Variants in POU6F2 observed in about 807,000 individuals in gnomAD.
The protein encoded by POU6F2 is POU domain, class 6, transcription factor 2.
POU6F2 carries 31 observed loss-of-function variants against 71.3 expected under a neutral mutation model. That is an observed-to-expected ratio of 0.43 (90% confidence interval 0.33 to 0.59). The LOEUF (loss-of-function observed/expected upper bound fraction) is 0.59. Among genes scored for constraint, POU6F2 ranks in the 20% least tolerant of loss-of-function variants. The pLI, the probability that POU6F2 is intolerant of heterozygous loss-of-function variation, is 0.04. For missense variants in POU6F2, 783 were observed against 856.8 expected (o/e 0.91, Z 1.07); for synonymous variants, 347 against 355.7 (o/e 0.98, Z 0.27).
chr7:39,254,746 C>T (rs1274001324), intron 4 of POU6F2, among the ~76,000 whole-genome samples: 3 of 152,180 alleles, frequency 2.0e-5, no homozygotes, highest in Non-Finnish European at 4.4e-5. Flanking sequence ...AAAGGTCTCT[C>T]GGTACCTAAT....
intron 1 of POU6F2, among the ~76,000 whole-genome samples, chr7:39,041,167 A>C (rs1248776805): frequency 6.6e-6 from 1 of 151,984 alleles, no homozygotes; most frequent in African/African-American, 2.4e-5. Flanking sequence ...GCCTTGTTCC[A>C]AGTCAGTACA....
chr7:39,000,166 C>T (rs1788860339), intron 1 of POU6F2, among the ~76,000 whole-genome samples: 1 of 152,112 alleles, frequency 6.6e-6, no homozygotes, highest in African/African-American at 2.4e-5. Context: ...TGCTTCTCCT[C>T]TCCAGGTGCC....
intron 4 of POU6F2, among the ~76,000 whole-genome samples, chr7:39,244,737 A>T (rs1226712300): frequency 6.6e-6 from 1 of 152,116 alleles, no homozygotes; most frequent in African/African-American, 2.4e-5. Flanking sequence ...CAGGTGTTAA[A>T]ATCATGGTTC....
chr7:39,258,271 A>C (rs923580920), intron 4 of POU6F2, among the ~76,000 whole-genome samples: 1 of 152,244 alleles, frequency 6.6e-6, no homozygotes. Context: ...AGGCAACAGC[A>C]CTATACTGGA....
intron 5 of POU6F2, among the ~76,000 whole-genome samples, chr7:39,399,314 C>T (rs1015819687): frequency 1.3e-5 from 2 of 152,126 alleles, no homozygotes; most frequent in African/African-American, 2.4e-5. Context: ...ACACAATGCC[C>T]AAAACATAGT....
At chr7:39,448,110 T>C (rs1169404961) in intron 7 of POU6F2, among the ~76,000 whole-genome samples, 1 of 152,224 alleles carries the variant, frequency 6.6e-6, no homozygotes, top group Non-Finnish European at 1.5e-5. Context: ...TAGTGCTATA[T>C]TTCATAGTTT....
intron 4 of POU6F2, among the ~76,000 whole-genome samples, chr7:39,313,097 C>T (rs778966182): frequency 4.6e-5 from 7 of 152,080 alleles, no homozygotes; most frequent in African/African-American, 1.4e-4. Context: ...CAGAGAAAAC[C>T]GAAAGTTCTT....
intron 6 of POU6F2, among the ~76,000 whole-genome samples, chr7:39,423,068 A>T (rs1019518711): frequency 6.6e-6 from 1 of 152,192 alleles, no homozygotes; most frequent in East Asian, 1.9e-4. Context: ...TCATATTTCA[A>T]TGAAGGGTTA....
chr7:39,197,496 C>T (rs923928549), intron 2 of POU6F2, among the ~76,000 whole-genome samples: 7 of 152,244 alleles, frequency 4.6e-5, no homozygotes, highest in African/African-American at 1.7e-4. Flanking sequence ...AAGGACGAAG[C>T]AAGAGGGAGG....
intron 1 of POU6F2, among the ~76,000 whole-genome samples, chr7:39,016,176 T>A (rs1789543409): frequency 7.4e-6 from 1 of 135,906 alleles, no homozygotes; most frequent in Non-Finnish European, 1.5e-5. Context: ...TATGTATAGA[T>A]ACATTATATC....
chr7:39,305,468 G>A (rs1250157879), intron 4 of POU6F2, among the ~76,000 whole-genome samples: 3 of 152,110 alleles, frequency 2.0e-5, no homozygotes, highest in Admixed American at 6.5e-5. Context: ...TTTATATTGG[G>A]TTTATTATCA....
At chr7:39,365,589 A>C (rs1344400992) in intron 5 of POU6F2, among the ~76,000 whole-genome samples, 1 of 152,226 alleles carries the variant, frequency 6.6e-6, no homozygotes, top group Non-Finnish European at 1.5e-5. Flanking sequence ...CATCAGAGTA[A>C]ACAGACAACC....
At chr7:39,259,237 G>A (rs561124815) in intron 4 of POU6F2, among the ~76,000 whole-genome samples, 1 of 152,206 alleles carries the variant, frequency 6.6e-6, no homozygotes, top group African/African-American at 2.4e-5. Flanking sequence ...CAGTTTCAAT[G>A]TTGTTCTCTA....
intron 2 of POU6F2, among the ~76,000 whole-genome samples, chr7:39,164,038 A>G (rs978715786): frequency 6.6e-6 from 1 of 152,182 alleles, no homozygotes; most frequent in African/African-American, 2.4e-5. Flanking sequence ...CATGGTGACC[A>G]TAGTTAATAA....
At chr7:39,350,123 G>A (rs1437648249) in intron 5 of POU6F2, among the ~76,000 whole-genome samples, 2 of 151,704 alleles carry the variant, frequency 1.3e-5, no homozygotes, top group African/African-American at 4.9e-5. Context: ...GTTCGACAGG[G>A]CTCAGCCCAG....
intron 4 of POU6F2, among the ~76,000 whole-genome samples, chr7:39,295,770 C>T (rs959438674): frequency 6.6e-6 from 1 of 152,190 alleles, no homozygotes; most frequent in Non-Finnish European, 1.5e-5. Flanking sequence ...AAAATTCATC[C>T]ACTAGAAATT....
chr7:39,249,674 A>T (rs1292082434), intron 4 of POU6F2, among the ~76,000 whole-genome samples: 1 of 152,192 alleles, frequency 6.6e-6, no homozygotes, highest in African/African-American at 2.4e-5. Flanking sequence ...TAATTGCCTT[A>T]AACCCCACAA....
chr7:39,305,757 A>G (rs1785035400), intron 4 of POU6F2, among the ~76,000 whole-genome samples: 1 of 152,222 alleles, frequency 6.6e-6, no homozygotes, highest in African/African-American at 2.4e-5. Context: ...CTGAAAATGT[A>G]AGATGGTAAA....
At chr7:39,144,864 C>T (rs556697753) in intron 2 of POU6F2, among the ~76,000 whole-genome samples, 40 of 152,292 alleles carry the variant, frequency 2.6e-4, no homozygotes, top group Middle Eastern at 3.4e-3. Context: ...TTTCAAGGGT[C>T]CTCCTTGCTC....
Sources: gnomAD v4.1 joint callset for allele counts (sites outside exome capture counted in the v4.1 genomes callset) on GRCh38, gnomAD v4.1.1 for gene constraint, MANE v1.5 for transcripts, NCBI Gene and HGNC (gene_info 2026-07-23, HGNC 2026-07-21) for gene names.